Variants in EFCAB5 observed in about 807,000 individuals in gnomAD.
EFCAB5 encodes the protein EF-hand calcium binding domain 5, also known as EF-hand calcium-binding domain-containing protein 5.
In EFCAB5, 131 loss-of-function variants were observed where a neutral mutation model predicts 167.9. The observed-to-expected ratio is 0.78, with a 90% CI of 0.68 to 0.90. The LOEUF (loss-of-function observed/expected upper bound fraction) is 0.90. EFCAB5 is among the 40% of genes least tolerant of loss of function. The pLI, the probability that EFCAB5 is intolerant of heterozygous loss-of-function variation, is 0.00. For synonymous variants in EFCAB5, 574 were observed against 602.8 expected (o/e 0.95, Z 0.70); for missense variants, 1,663 against 1,745.2 (o/e 0.95, Z 0.84).
intron 14 of EFCAB5, chr17:30,069,440 G>T (rs1399397926): frequency 1.3e-6 from 2 of 1,553,134 alleles, no homozygotes; most frequent in Non-Finnish European, 1.8e-6. Flanking sequence ...GATATTCACG[G>T]AAAAGGTTTT....
chr17:30,094,858 T>G (rs1477750756), intron 22 of EFCAB5, among the ~76,000 whole-genome samples: 1 of 152,214 alleles, frequency 6.6e-6, no homozygotes, highest in Non-Finnish European at 1.5e-5. Flanking sequence ...CATACTTCCC[T>G]GTGGGGGACC....
In EFCAB5 at chr17:29,943,613, GT is replaced by G. The variant is rs1400556455; in HGVS notation, c.155del (p.Val52GlyfsTer14). On this transcript the variant is annotated frameshift_variant, in exon 3 of 23. Transcript: ENST00000394835. LOFTEE classifies it high-confidence loss of function. ...DVPVKEDTNS[V>X]VEKAMDEIKS... ...TCCTGTAAAAGAGGACACCAACAGT[GT>G]GGTGGAGAAAGCAATGGATGAAATC... 6.3e-7 allele frequency: 1 copy of G among 1,585,776 alleles called. No individual in the cohort carries two copies. Among genetic ancestry groups the G allele is most frequent in the Non-Finnish European group, 8.6e-7 (1 of 1,165,530 alleles).
In EFCAB5 at chr17:30,080,211, G is replaced by A; in HGVS notation, c.3167G>A (p.Arg1056Lys). 6.2e-7 allele frequency: 1 copy of A among 1,609,416 alleles called. No individual in the cohort carries two copies. Among genetic ancestry groups the A allele is most frequent in the Non-Finnish European group, 8.5e-7 (1 of 1,178,544 alleles). Residue 1056 changes from arginine to lysine, a missense_variant, in exon 16 of 23, where the codon AGA (arginine) becomes AAA (lysine). Arg to Lys is a conservative substitution (Grantham distance 26). Transcript: ENST00000394835. ...GATGATGCTCAATTTGTACTGAACAGAGTGCTCTACAGGGACATGAAAGGA... is the reference window on the plus strand; with the variant it reads ...GATGATGCTCAATTTGTACTGAACAAAGTGCTCTACAGGGACATGAAAGGA... ...TLDDAQFVLN[R>K]VLYRDMKGIS...
chr17:29,967,845 A>G (rs929688115), intron 3 of EFCAB5, among the ~76,000 whole-genome samples: 2 of 151,304 alleles, frequency 1.3e-5, no homozygotes, highest in African/African-American at 4.9e-5. Context: ...TTAAATATAC[A>G]TGTGTGGTAG....
intron 7 of EFCAB5, among the ~76,000 whole-genome samples, chr17:30,024,377 A>G (rs1227718820): frequency 1.3e-5 from 2 of 152,206 alleles, no homozygotes; most frequent in Admixed American, 6.5e-5. Context: ...AAGCATTCTT[A>G]TACACCAATA....
At chr17:30,069,443 A>G in intron 14 of EFCAB5, 1 of 1,553,388 alleles carries the variant, frequency 6.4e-7, no homozygotes, top group Non-Finnish European at 8.9e-7. Context: ...ATTCACGGAA[A>G]AGGTTTTGCA....
Position 29,986,637 on chromosome 17 carries a change from A to ATTTTTTTTT in EFCAB5, c.768-6507_768-6499dup. Among the ~76,000 whole-genome samples the ATTTTTTTTT allele has an allele frequency of 3.5e-3, 203 of 58,070 alleles. 34 individuals are homozygous for ATTTTTTTTT. The highest frequency in any genetic ancestry group is 8.5e-3 in the African/African-American group (121 of 14,262). The allele number at this position is 58,070 out of a possible 152,430, so 38.1% of individuals were successfully genotyped here. A position where few individuals can be genotyped will look rare whatever the true frequency, so the allele number is the denominator to read the frequency against. On this transcript the variant is annotated intron_variant, in intron 4 of 22. Transcript: ENST00000394835. ...ATGCCTCAATTATAGGAGTATATTC[A>ATTTTTTTTT]TTTTTTTTTTTTTTTTTTTTTTTTT...
At chr17:29,967,888 C>CTTT (rs35474839) in intron 3 of EFCAB5, among the ~76,000 whole-genome samples, 2 of 134,850 alleles carry the variant, frequency 1.5e-5, no homozygotes, top group African/African-American at 5.4e-5. Context: ...ATTTCCTCAC[C>CTTT]TTTTTTTTTT....
rs58247381 is a variant in EFCAB5, at chr17:29,946,429, C to CTTT, written c.190+2803_190+2805dup. On this transcript the variant is annotated intron_variant, in intron 3 of 22. Coordinates refer to ENST00000394835, the MANE Select transcript of EFCAB5 (RefSeq NM_198529.4). ...TTTATGGAAAAGAGTATGGAAATTT[C>CTTT]TTTTTTTTTTTTTTTTTTTTTTTTT... is the stretch of plus-strand genomic sequence containing the variant. Among the ~76,000 whole-genome samples the CTTT allele has an allele frequency of 1.2e-3, 106 of 85,390 alleles. 1 individual carries two copies. The highest frequency in any genetic ancestry group is 2.9e-3 in the African/African-American group (58 of 20,264). The allele number at this position is 85,390 out of a possible 152,430, so 56.0% of individuals were successfully genotyped here. A position where few individuals can be genotyped will look rare whatever the true frequency, so the allele number is the denominator to read the frequency against.
At chr17:29,979,196 A>G (rs1233055539) in intron 4 of EFCAB5, among the ~76,000 whole-genome samples, 1 of 152,096 alleles carries the variant, frequency 6.6e-6, no homozygotes, top group East Asian at 1.9e-4. Flanking sequence ...CTAAAAATAC[A>G]AAATTTAGCC....
At chr17:30,099,857 G>A (rs914735197) in intron 22 of EFCAB5, among the ~76,000 whole-genome samples, 3 of 152,034 alleles carry the variant, frequency 2.0e-5, no homozygotes, top group South Asian at 2.1e-4. Context: ...CACAGAGCGC[G>A]TTCCCTCACA....
In EFCAB5 at chr17:29,968,871, A is replaced by G. The variant is rs1421399830; in HGVS notation, c.271A>G (p.Ile91Val). ...AACTGAAGCCTCAGGTAATATTGCAATTAGAAAATCTGCAAAAGTGATTTT... is the reference window on the plus strand; with the variant it reads ...AACTGAAGCCTCAGGTAATATTGCAGTTAGAAAATCTGCAAAAGTGATTTT... ...SKTEASGNIA[I>V]RKSAKVIFAL... Residue 91 changes from isoleucine to valine, a missense_variant, in exon 4 of 23, where the codon ATT (isoleucine) becomes GTT (valine). Transcript: ENST00000394835. 1.3e-6 allele frequency: 2 copies of G among 1,561,618 alleles called. No individual in the cohort carries two copies. The highest frequency in any genetic ancestry group is 2.7e-5 in the African/African-American group (2 of 73,614).
Position 30,087,075 on chromosome 17 carries a change from G to A in EFCAB5, c.3592G>A (p.Val1198Ile), listed in dbSNP as rs1567770026. The A allele has an allele frequency of 6.2e-7, 1 of 1,613,310 alleles. No individual in the cohort carries two copies. The highest frequency in any genetic ancestry group is 8.5e-7 in the Non-Finnish European group (1 of 1,179,508). ...EPSPAQDSDYVLRNMMVTGQL... is the reference protein window; with the variant it reads ...EPSPAQDSDYILRNMMVTGQL... Reference sequence around the variant, plus strand: ...TCCTCTTTTCAAGGATTCAGACTATGTTTTACGCAACATGATGGTTACAGG... The same window carrying A: ...TCCTCTTTTCAAGGATTCAGACTATATTTTACGCAACATGATGGTTACAGG... The change falls in exon 19 of 23, where the codon GTT becomes ATT. Residue 1198 changes from valine (V) to isoleucine (I), a missense_variant. Val to Ile is a conservative substitution (Grantham distance 29). Transcript: ENST00000394835.
intron 14 of EFCAB5, chr17:30,068,757 C>A: frequency 7.0e-7 from 1 of 1,419,538 alleles, no homozygotes; most frequent in Non-Finnish European, 1.0e-6. Context: ...GCAGGAGTCC[C>A]TGGCCCAAGG....
chr17:30,055,636 G>T (rs2070239300), intron 10 of EFCAB5, among the ~76,000 whole-genome samples: 1 of 152,156 alleles, frequency 6.6e-6, no homozygotes, highest in Non-Finnish European at 1.5e-5. Flanking sequence ...AGCTGTGAGG[G>T]TGGCTGAGAA....
rs370506675 is a variant in EFCAB5, at chr17:30,091,884, C to A, written c.3951C>A (p.Val1317=). 1 of 1,613,438 alleles carries A rather than the reference C, an allele frequency of 6.2e-7. No homozygotes were observed. The highest frequency in any genetic ancestry group is 8.5e-7 in the Non-Finnish European group (1 of 1,179,548). ...TTGTTATTCCAGAGATTGAAAATGTCAGGGAAGTCCAGCGGGCAGGAATTC... is the reference window on the plus strand; with the variant it reads ...TTGTTATTCCAGAGATTGAAAATGTAAGGGAAGTCCAGCGGGCAGGAATTC... The part of the protein sequence containing the change: ...KKKYILEIEN[V]REVQRAGILF... The change falls in exon 21 of 23, where the codon GTC becomes GTA. Residue 1317 remains valine, a synonymous_variant. Transcript: ENST00000394835.
intron 1 of EFCAB5, among the ~76,000 whole-genome samples, chr17:29,933,541 C>T (rs1246541613): frequency 1.3e-5 from 2 of 152,160 alleles, no homozygotes; most frequent in Non-Finnish European, 2.9e-5. Context: ...GAGCAGGATT[C>T]CCAAAAGAGG....
At chr17:29,970,779 C>T (rs2151582760) in intron 4 of EFCAB5, among the ~76,000 whole-genome samples, 1 of 152,010 alleles carries the variant, frequency 6.6e-6, no homozygotes, top group East Asian at 1.9e-4. Context: ...TATTGTTGCC[C>T]TAAAGTTTTT....
At chr17:30,045,217 G>A (rs1457658027) in intron 8 of EFCAB5, among the ~76,000 whole-genome samples, 1 of 152,104 alleles carries the variant, frequency 6.6e-6, no homozygotes. Flanking sequence ...TAGCACTTTG[G>A]AGGCCAAGGC....
Sources: allele counts gnomAD v4.1 joint callset (sites outside exome capture counted in the v4.1 genomes callset), GRCh38; gene constraint gnomAD v4.1.1; transcripts MANE v1.5; gene names NCBI Gene and HGNC (gene_info 2026-07-23, HGNC 2026-07-21).